Variants in PARP6 observed in about 807,000 individuals in gnomAD.
PARP6 encodes poly(ADP-ribose) polymerase family member 6.
Under a neutral mutation model 92.0 loss-of-function variants are expected in PARP6, and 27 were observed. The observed-to-expected ratio is 0.29, with a 90% confidence interval of 0.22 to 0.40. PARP6 has a LOEUF of 0.40. PARP6 is among the 10% of genes least tolerant of loss of function. The pLI is 1.00. For missense variants in PARP6, 501 were observed against 784.5 expected, an observed-to-expected ratio of 0.64 and a Z score of 4.32; for synonymous variants, 272 against 281.2, an observed-to-expected ratio of 0.97 and a Z score of 0.33.
At chr15:72,253,783 C>A (rs549723043) in intron 15 of PARP6, 18 of 586,316 alleles carry the variant, frequency 3.1e-5, no homozygotes, top group South Asian at 2.6e-4. Flanking sequence ...GATTATAAAT[C>A]AAAAAATAAA....
intron 14 of PARP6, among the ~76,000 whole-genome samples, chr15:72,255,732 C>T (rs542028099): frequency 6.7e-6 from 1 of 149,260 alleles, no homozygotes; most frequent in Admixed American, 6.7e-5. Context: ...CTCCTATTGG[C>T]TCTGTTTCTC....
At chr15:72,271,999 C>T (rs1392776861) in intron 1 of PARP6, among the ~76,000 whole-genome samples, 1 of 152,184 alleles carries the variant, frequency 6.6e-6, no homozygotes, top group African/African-American at 2.4e-5. Context: ...GGTTGGGCTC[C>T]CGGCTTTGTG....
rs1364132003 is a variant in PARP6, at chr15:72,260,460, C to G, written c.756+18G>C. 6.2e-7 allele frequency: 1 copy of G among 1,600,180 alleles called. No individual in the cohort carries two copies. The highest frequency in any genetic ancestry group is 1.7e-5 in the Admixed American group (1 of 59,522). On this transcript the variant is annotated intron_variant, in intron 10 of 23. Transcript: ENST00000569795. ...CACCCTCCTGATAGCCAAGTCAAAC[C>G]CTCCCCAGCCCATGTACCAAAGGAG...
intron 18 of PARP6, 44 bp downstream of exon 18, chr15:72,250,801 C>T (rs756191759): frequency 1.1e-6 from 1 of 947,210 alleles, no homozygotes; most frequent in Non-Finnish European, 1.7e-6. Context: ...TTGCTCATCC[C>T]CGCCCCCTCA....
intron 8 of PARP6, among the ~76,000 whole-genome samples, chr15:72,264,158 A>G (rs1230413570): frequency 6.6e-6 from 1 of 152,208 alleles, no homozygotes; most frequent in Non-Finnish European, 1.5e-5. Flanking sequence ...AACTTCACTG[A>G]GAGTGGAAAA....
chr15:72,247,156 T>C (rs1297853033), intron 20 of PARP6, among the ~76,000 whole-genome samples: 3 of 152,172 alleles, frequency 2.0e-5, no homozygotes, highest in Non-Finnish European at 4.4e-5. Context: ...TAGGGTGTCT[T>C]CTGAAGAATA....
chr15:72,258,031 C>T lies in PARP6; in HGVS notation c.906+6G>A. 1.9e-6 allele frequency: 3 copies of T among 1,597,640 alleles called. No homozygotes were observed. The highest frequency in any genetic ancestry group is 8.6e-7 in the Non-Finnish European group (1 of 1,165,012). ...AGGAAGAGGGTCATAGAGTACGGTC[C>T]TATACCTTCAGCATAGATCCATTTT... On this transcript the variant is annotated splice_donor_region_variant and intron_variant, in intron 12 of 23. Transcript: ENST00000569795.
rs758201988 is a variant in PARP6, at chr15:72,249,365, CTATT to C, written c.1492-55_1492-52del. On this transcript the variant is annotated intron_variant, in intron 19 of 23. Coordinates refer to ENST00000569795, the MANE Select transcript of PARP6 (RefSeq NM_001323532.2). ...AATATGAGCCTGGGCCCTCCCATGGCTATTTATTAGGCAGCAGCAAGGCTTATCC... is the reference window on the plus strand; with the variant it reads ...AATATGAGCCTGGGCCCTCCCATGGCTATTAGGCAGCAGCAAGGCTTATCC... 5 of 1,073,280 alleles carry C rather than the reference CTATT, an allele frequency of 4.7e-6. No individual in the cohort carries two copies. The Admixed American group carries it at 9.0e-5, about 19-fold the overall frequency. 66.5% of individuals were successfully genotyped at this position (1,073,280 alleles called of 1,614,324 possible). A position where few individuals can be genotyped will look rare whatever the true frequency, so the allele number is the denominator to read the frequency against.
Position 72,257,260 on chromosome 15 carries a change from T to G in PARP6, c.999+88A>C. 6 of 954,370 alleles carry G rather than the reference T, an allele frequency of 6.3e-6. No homozygotes were observed. The South Asian group carries it at 6.6e-5, about 10-fold the overall frequency. The allele number at this position is 954,370 out of a possible 1,614,324, so 59.1% of individuals were successfully genotyped here. ...TGGTTATCTTATATACAAAAGCATT[T>G]TTGGAAGTTAAATTCCAAGAATGAA... On this transcript the variant is annotated intron_variant, in intron 13 of 23. Transcript: ENST00000569795.
intron 7 of PARP6, 46 bp from the exon 8 acceptor site, chr15:72,264,667 T>A: frequency 6.7e-7 from 1 of 1,493,578 alleles, no homozygotes; most frequent in Non-Finnish European, 9.3e-7. Flanking sequence ...ATCTCTTGTC[T>A]TCCTGGAGTC....
At chr15:72,262,590 T>C (rs2086040209) in intron 8 of PARP6, among the ~76,000 whole-genome samples, 1 of 152,190 alleles carries the variant, frequency 6.6e-6, no homozygotes, top group African/African-American at 2.4e-5. Flanking sequence ...TCTCAACCCA[T>C]ACTCATTGTT....
At chr15:72,267,272 C>A (rs759073678) in intron 3 of PARP6, 1 of 619,098 alleles carries the variant, frequency 1.6e-6, no homozygotes, top group Non-Finnish European at 2.9e-6. Context: ...GTACTTAACT[C>A]TCCTCTCCCT....
At chr15:72,267,807 A>G in intron 2 of PARP6, 136 bp from the exon 3 acceptor site, 1 of 234,428 alleles carries the variant, frequency 4.3e-6, no homozygotes. Flanking sequence ...GCTGGAGTGC[A>G]ATGGCGCGAT....
rs2085155188 is a variant in PARP6 at position 72,256,559 on chromosome 15, G to T, written c.1031C>A (p.Ala344Glu). ...VVDLLVAMCR[A>E]ALESPRKSII... ...GCTCTTTCTAGGGGACTCTAAAGCT[G>T]CCCTACACATGGCCACCAGCAGATC... The change falls in exon 14 of 24, where the codon GCA becomes GAA. Residue 344 changes from alanine (A) to glutamate (E), a missense_variant. Ala to Glu is a moderately radical substitution (Grantham distance 107). Around this residue, in one of 4 missense-constraint regions of PARP6, gnomAD observed 191 missense variants for 399.1 expected, o/e 0.48. Transcript: ENST00000569795. 6.3e-7 allele frequency: 1 copy of T among 1,582,608 alleles called. No individual in the cohort carries two copies. The highest frequency in any genetic ancestry group is 1.8e-5 in the Admixed American group (1 of 54,326).
intron 20 of PARP6, chr15:72,245,447 C>T (rs936059350): frequency 1.3e-5 from 2 of 152,200 alleles, no homozygotes; most frequent in African/African-American, 4.8e-5. Flanking sequence ...TTCCACAACA[C>T]ATGGGAATTC....
chr15:72,243,490 C>T (rs1417069512), intron 20 of PARP6: 1 of 152,222 alleles, frequency 6.6e-6, no homozygotes, highest in Non-Finnish European at 1.5e-5. Flanking sequence ...AAGAATCCTA[C>T]TTCAAACAGT....
chr15:72,251,478 T>C, intron 16 of PARP6: 1 of 359,650 alleles, frequency 2.8e-6, no homozygotes, highest in Non-Finnish European at 4.9e-6. Context: ...ACAAGCTAAT[T>C]ATTGGGGAGT....
In PARP6 at chr15:72,266,788, G is replaced by C. The variant is rs773752714; in HGVS notation, c.38C>G (p.Ser13Trp). 2.5e-6 allele frequency: 4 copies of C among 1,613,984 alleles called. No individual in the cohort carries two copies. The highest frequency in any genetic ancestry group is 2.5e-6 in the Non-Finnish European group (3 of 1,179,910). ...IKGQFWNDDDSEGDNESEEFL... is the reference protein window; with the variant it reads ...IKGQFWNDDDWEGDNESEEFL... The stretch of plus-strand genomic sequence containing the variant: ...TTCCTCTGATTCATTATCTCCCTCC[G>C]AGTCGTCATCATTCCAGAACTGGCC... The change falls in exon 4 of 24, where the codon TCG becomes TGG. Residue 13 changes from serine (S) to tryptophan (W), a missense_variant. Physicochemically the swap from Ser to Trp is radical, Grantham distance 177. Transcript: ENST00000569795.
At chr15:72,247,117 C>T (rs148580354) in intron 20 of PARP6, among the ~76,000 whole-genome samples, 301 of 152,108 alleles carry the variant, frequency 2.0e-3, no homozygotes, top group Non-Finnish European at 3.9e-3. Context: ...TGTCTTCTGT[C>T]GGTTTGTAGC....
Sources: allele counts gnomAD v4.1 joint callset (sites outside exome capture counted in the v4.1 genomes callset), GRCh38; gene constraint gnomAD v4.1.1; regional missense constraint gnomAD v4.1.1; transcripts MANE v1.5; gene names NCBI Gene and HGNC (gene_info 2026-07-23, HGNC 2026-07-21).